Variants in SPG7 observed in about 807,000 individuals in gnomAD.
SPG7 encodes SPG7 matrix AAA peptidase subunit, paraplegin, also known as mitochondrial inner membrane m-AAA protease component paraplegin.
SPG7 carries 103 observed loss-of-function variants against 81.9 expected under a neutral mutation model. That is an observed-to-expected ratio of 1.26 (90% confidence interval 1.07 to 1.48). The LOEUF (loss-of-function observed/expected upper bound fraction) is 1.48. Ranked by LOEUF, SPG7 falls within the 40% of genes most tolerant of loss-of-function variation. The pLI is 0.00. For missense variants in SPG7, 1,241 were observed against 1,087.3 expected (o/e 1.14, Z -1.99); for synonymous variants, 534 against 444.2 (o/e 1.20, Z -2.54).
rs771640502 is a variant in SPG7, at chr16:89,548,092, G to A, written c.1642G>A (p.Ala548Thr). ...TSVHTLNFEY[A>T]VERVLAGTAK... Reference sequence around the variant, plus strand: ...CGTGCACACTCTCAACTTCGAGTACGCCGTGGAGCGCGTCCTCGCAGGTAC... The same window carrying A: ...CGTGCACACTCTCAACTTCGAGTACACCGTGGAGCGCGTCCTCGCAGGTAC... The change falls in exon 12 of 17, where the codon GCC becomes ACC. Residue 548 changes from alanine (A) to threonine (T), a missense_variant. Coordinates refer to ENST00000645818, the MANE Select transcript of SPG7 (RefSeq NM_003119.4). 8.1e-6 allele frequency: 13 copies of A among 1,607,164 alleles called. No homozygotes were observed. Among genetic ancestry groups the A allele is most frequent in the South Asian group, 5.5e-5 (5 of 91,074 alleles).
At chr16:89,541,476 C>A in intron 9 of SPG7, 1 of 348,788 alleles carries the variant, frequency 2.9e-6, no homozygotes, top group Non-Finnish European at 4.0e-6. Flanking sequence ...AGGAGGGATG[C>A]CTCTGGGGAG....
intron 3 of SPG7, among the ~76,000 whole-genome samples, chr16:89,516,554 A>C (rs554909367): frequency 6.6e-5 from 10 of 152,186 alleles, no homozygotes; most frequent in Admixed American, 6.6e-4. Flanking sequence ...TTTCTGTCTC[A>C]AACATAAAAA....
chr16:89,525,653 C>G (rs776735703), intron 4 of SPG7, among the ~76,000 whole-genome samples: 12 of 152,192 alleles, frequency 7.9e-5, no homozygotes, highest in Non-Finnish European at 1.2e-4. Context: ...GCGGAGTTTA[C>G]TTAGGAAAAC....
chr16:89,550,601 G>C lies in SPG7; in HGVS notation c.1771G>C (p.Val591Leu). 1 of 1,611,718 alleles carries C rather than the reference G, an allele frequency of 6.2e-7. No homozygotes were observed. The highest frequency in any genetic ancestry group is 8.5e-7 in the Non-Finnish European group (1 of 1,178,320). Residue 591 changes from valine (V) to leucine (L), a missense_variant, in exon 13 of 17, where the codon GTG becomes CTG. Coordinates refer to ENST00000645818, the MANE Select transcript of SPG7 (RefSeq NM_003119.4). ...CTGGATGCTGGAGCACACGGAGGCC[G>C]TGATGAAGGTGGGTCTTGGCAGGTG... ...VGWMLEHTEA[V>L]MKVSITPRTN...
intron 1 of SPG7, 80 bp from the exon 2 acceptor site, chr16:89,510,410 A>T: frequency 1.2e-6 from 1 of 869,294 alleles, no homozygotes; most frequent in Non-Finnish European, 1.9e-6. Context: ...TGAACTTTTA[A>T]AAACGATTTT....
chr16:89,519,860 C>G (rs2058161970), intron 3 of SPG7: 1 of 152,194 alleles, frequency 6.6e-6, no homozygotes, highest in South Asian at 2.1e-4. Context: ...TGATGTGGCC[C>G]CTGTGGCTGC....
intron 9 of SPG7, chr16:89,541,091 GTGT>G (rs1457235520): frequency 1.0e-6 from 1 of 984,492 alleles, no homozygotes; most frequent in Admixed American, 6.2e-5. Context: ...CCTTATCACG[GTGT>G]TGTACGCAGA....
chr16:89,556,923 T>G lies in SPG7; in HGVS notation c.2218T>G (p.Tyr740Asp). 5 of 1,614,042 alleles carry G rather than the reference T, an allele frequency of 3.1e-6. No individual in the cohort carries two copies. The highest frequency in any genetic ancestry group is 4.2e-6 in the Non-Finnish European group (5 of 1,179,980). Residue 740 changes from tyrosine to aspartate, a missense_variant, in exon 17 of 17, where the codon TAT becomes GAT. Physicochemically the swap from Tyr to Asp is radical, Grantham distance 160. Transcript: ENST00000645818. ...CCTTCTGGAAAAGGAAGTGATAAAC[T>G]ATGAGGACATTGAGGCTCTCATTGG... ...NALLEKEVIN[Y>D]EDIEALIGPP...
chr16:89,511,675 T>C (rs2058024716), intron 2 of SPG7, among the ~76,000 whole-genome samples: 1 of 152,240 alleles, frequency 6.6e-6, no homozygotes, highest in Non-Finnish European at 1.5e-5. Flanking sequence ...CCCGTTCATG[T>C]CTTTGTGAAG....
chr16:89,554,117 G>A (rs950789932), intron 15 of SPG7, among the ~76,000 whole-genome samples, 157 bp downstream of exon 15: 3 of 152,242 alleles, frequency 2.0e-5, no homozygotes, highest in African/African-American at 7.2e-5. Context: ...GTTCCCACCT[G>A]TGGAGTATTT....
intron 9 of SPG7, 67 bp downstream of exon 9, chr16:89,532,703 C>A: frequency 6.3e-7 from 1 of 1,593,458 alleles, no homozygotes; most frequent in Non-Finnish European, 8.6e-7. Context: ...TCTTTCAGAA[C>A]AGGTTGTGGT....
chr16:89,521,922 T>C (rs1165804157), intron 3 of SPG7: 1 of 151,326 alleles, frequency 6.6e-6, no homozygotes, highest in Admixed American at 6.6e-5. Context: ...CCGGGAGCAG[T>C]GTGGGTCGTG....
intron 13 of SPG7, chr16:89,551,700 CCAACCTGGT>C (rs1214760533): frequency 1.3e-5 from 2 of 152,186 alleles, no homozygotes; most frequent in Admixed American, 6.5e-5. Flanking sequence ...ACCAGCCTGG[CCAACCTGGT>C]GAAACCCCAT....
Position 89,532,568 on chromosome 16 carries a change from C to A in SPG7, c.1256C>A (p.Thr419Asn). Reference protein sequence around the residue: ...EIDAVGKKRSTTMSGFSNTEE... With the variant: ...EIDAVGKKRSNTMSGFSNTEE... Reference sequence around the variant, plus strand: ...GACGCGGTGGGCAAGAAGCGCTCCACCACCATGTCCGGCTTCTCCAACACG... The same window carrying A: ...GACGCGGTGGGCAAGAAGCGCTCCAACACCATGTCCGGCTTCTCCAACACG... Residue 419 changes from threonine (T) to asparagine (N), a missense_variant, in exon 9 of 17, where the codon ACC (threonine) becomes AAC (asparagine). Coordinates refer to ENST00000645818, the MANE Select transcript of SPG7 (RefSeq NM_003119.4). The A allele has an allele frequency of 6.2e-7, 1 of 1,613,800 alleles. No individual in the cohort carries two copies. The highest frequency in any genetic ancestry group is 8.5e-7 in the Non-Finnish European group (1 of 1,180,028).
At chr16:89,519,944 C>G (rs910361821) in intron 3 of SPG7, 26 of 152,222 alleles carry the variant, frequency 1.7e-4, no homozygotes, top group African/African-American at 5.8e-4. Context: ...ATCATAATAT[C>G]TAATTGTCAA....
At chr16:89,536,501 G>GAGGTC (rs2058421809) in intron 9 of SPG7, among the ~76,000 whole-genome samples, 1 of 47,496 alleles carries the variant, frequency 2.1e-5, no homozygotes, top group African/African-American at 7.3e-5. Flanking sequence ...TGAGGCAGGT[G>GAGGTC]AGGTGAGGCG....
rs1189112714 is a variant in SPG7 at position 89,557,179 on chromosome 16, C to T, written c.*86C>T. 1 of 958,198 alleles carries T rather than the reference C, an allele frequency of 1.0e-6. No homozygotes were observed. The highest frequency in any genetic ancestry group is 1.6e-6 in the Non-Finnish European group (1 of 609,434). 59.4% of individuals were successfully genotyped at this position (958,198 alleles called of 1,614,324 possible). A position where few individuals can be genotyped will look rare whatever the true frequency, so the allele number is the denominator to read the frequency against. ...TGAGTTGCTTTTCAGCTGAGGTTTG[C>T]ACTTCCTCTCGCGGCCCTCAGTAGT... is the stretch of plus-strand genomic sequence containing the variant. On this transcript the variant is annotated 3_prime_UTR_variant, in exon 17 of 17. Transcript: ENST00000645818.
chr16:89,520,469 C>G (rs1161216608), intron 3 of SPG7: 1 of 160,610 alleles, frequency 6.2e-6, no homozygotes, highest in South Asian at 1.5e-4. Context: ...CGATCTCAGC[C>G]CACTGCAACC....
chr16:89,521,248 C>G (rs1331439409), intron 3 of SPG7: 1 of 152,274 alleles, frequency 6.6e-6, no homozygotes, highest in Non-Finnish European at 1.5e-5. Context: ...CATGATGGGG[C>G]TAGGCTCTCC....
Sources: allele counts gnomAD v4.1 joint callset (sites outside exome capture counted in the v4.1 genomes callset), GRCh38; gene constraint gnomAD v4.1.1; transcripts MANE v1.5; gene names NCBI Gene and HGNC (gene_info 2026-07-23, HGNC 2026-07-21).